Variants in SPIRE1 observed in about 807,000 individuals in gnomAD.
SPIRE1 encodes spire type actin nucleation factor 1, also known as protein spire homolog 1.
A neutral mutation model predicts 94.1 loss-of-function variants in SPIRE1; 40 were observed. That is an observed-to-expected ratio of 0.43 (90% CI 0.33 to 0.55). The LOEUF (loss-of-function observed/expected upper bound fraction) is 0.55, where lower values mean the gene tolerates loss of function less well. Among genes scored for constraint, SPIRE1 ranks in the 20% least tolerant of loss-of-function variants. SPIRE1 has a pLI of 0.06. For missense variants in SPIRE1, 838 were observed against 975.2 expected (o/e 0.86, Z 1.87); for synonymous variants, 376 against 371.7 (o/e 1.01, Z -0.13).
intron 10 of SPIRE1, among the ~76,000 whole-genome samples, chr18:12,478,725 T>C (rs1308120582): frequency 1.3e-5 from 2 of 152,024 alleles, no homozygotes; most frequent in Admixed American, 6.6e-5. Flanking sequence ...AAGTTGATTT[T>C]GAGGAAGGGC....
chr18:12,583,173 A>G (rs1353416673), intron 2 of SPIRE1, among the ~76,000 whole-genome samples: 2 of 152,212 alleles, frequency 1.3e-5, no homozygotes, highest in African/African-American at 4.8e-5. Flanking sequence ...AGAAATCATA[A>G]TAAGTGTAAA....
chr18:12,658,859 G>A (rs958549480), upstream of SPIRE1: 1 of 303,924 alleles, frequency 3.3e-6, no homozygotes, highest in Non-Finnish European at 6.6e-6. Context: ...ATATAAACAT[G>A]TACATAATTT....
intron 8 of SPIRE1, among the ~76,000 whole-genome samples, chr18:12,488,709 G>T (rs1174890377): frequency 6.6e-6 from 1 of 152,092 alleles, no homozygotes; most frequent in Non-Finnish European, 1.5e-5. Flanking sequence ...CAATAAAGGG[G>T]ATATGCATGT....
chr18:12,559,237 G>C lies in SPIRE1; in HGVS notation c.373-12333C>G, dbSNP rs1027898869. On this transcript the variant is annotated intron_variant, in intron 2 of 16. Transcript: ENST00000409402. The surrounding 1 kb of genome is among the most constrained non-coding windows in gnomAD (Gnocchi z 4.7). ...TGCAGGTCCCGAGCCCTGCCCCGCA[G>C]GGAGGCAGCTGAGGCCTAGTGAGAA... 1.8e-4 allele frequency among the ~76,000 whole-genome samples: 28 copies of C among 152,270 alleles called. No homozygotes were observed. The highest frequency in any genetic ancestry group is 6.7e-4 in the African/African-American group (28 of 41,568).
intron 2 of SPIRE1, among the ~76,000 whole-genome samples, chr18:12,619,338 C>A (rs2037397100): frequency 6.6e-6 from 1 of 151,840 alleles, no homozygotes; most frequent in African/African-American, 2.4e-5. Context: ...GAAACCCCGT[C>A]TCTACTAAAA....
chr18:12,588,322 A>G (rs535344042), intron 2 of SPIRE1: 10 of 152,620 alleles, frequency 6.6e-5, no homozygotes, highest in African/African-American at 2.4e-4. Flanking sequence ...AAATACATCA[A>G]TGTCATCTAT....
In SPIRE1 at chr18:12,470,007, T is replaced by C. The variant is rs377186671; in HGVS notation, c.1405-5049A>G. 3.3e-5 allele frequency among the ~76,000 whole-genome samples: 5 copies of C among 151,822 alleles called. No homozygotes were observed. The East Asian group carries it at 9.7e-4, about 29-fold the overall frequency. On this transcript the variant is annotated intron_variant, in intron 10 of 16. Transcript: ENST00000409402. ...CCCAGGCTGGAGTGCAGTGGTGCAA[T>C]CATGGCTCACTGCAGCCTTGACCTC...
intron 2 of SPIRE1, among the ~76,000 whole-genome samples, chr18:12,574,042 T>G (rs2036029109): frequency 6.6e-6 from 1 of 152,204 alleles, no homozygotes; most frequent in Non-Finnish European, 1.5e-5. Flanking sequence ...CCCGGCCGAC[T>G]TTTAATTTTT....
Position 12,574,780 on chromosome 18 carries a change from T to C in SPIRE1, c.373-27876A>G, listed in dbSNP as rs139104817. Reference sequence around the variant, plus strand: ...GGCCAGAGGATGAGAAACCAAGAGATTGGACTGTAAAGGAGCAACAGTGTT... The same window carrying C: ...GGCCAGAGGATGAGAAACCAAGAGACTGGACTGTAAAGGAGCAACAGTGTT... On this transcript the variant is annotated intron_variant, in intron 2 of 16. Coordinates refer to ENST00000409402, the MANE Select transcript of SPIRE1 (RefSeq NM_001128626.2). 2.4e-4 allele frequency among the ~76,000 whole-genome samples: 36 copies of C among 152,062 alleles called. No individual in the cohort carries two copies. The East Asian group carries it at 6.0e-3, about 25-fold the overall frequency.
chr18:12,572,975 T>C (rs1025290635), intron 2 of SPIRE1, among the ~76,000 whole-genome samples: 1 of 152,198 alleles, frequency 6.6e-6, no homozygotes, highest in African/African-American at 2.4e-5. Flanking sequence ...GTTTTAGATA[T>C]GACACCAAAA....
chr18:12,625,235 C>A (rs1383737666), intron 2 of SPIRE1, among the ~76,000 whole-genome samples: 2 of 152,200 alleles, frequency 1.3e-5, no homozygotes, highest in Non-Finnish European at 2.9e-5. Flanking sequence ...TGTACAGACA[C>A]AATTTCCTCT....
chr18:12,644,961 C>A (rs866511805), intron 1 of SPIRE1, among the ~76,000 whole-genome samples: 24 of 152,000 alleles, frequency 1.6e-4, no homozygotes, highest in Admixed American at 1.6e-3. Flanking sequence ...AGAGAGCGGC[C>A]GGGCACCATG....
At position 12,559,371 on chromosome 18, in the gene SPIRE1, G is replaced by A. The variant is rs547822373; in HGVS notation, c.373-12467C>T. On this transcript the variant is annotated intron_variant, in intron 2 of 16. Transcript: ENST00000409402. This position sits in a 1 kb window ranked among gnomAD's most constrained non-coding sequence, Gnocchi z 4.7. ...ATTGCCCGGGCCGGCGTCGCCAGCC[G>A]GCAGCTCTGAGTGCTGGCCGGGCGA... Among the ~76,000 whole-genome samples, 67 of 152,278 alleles carry A rather than the reference G, an allele frequency of 4.4e-4. No individual in the cohort carries two copies. Among genetic ancestry groups the A allele is most frequent in the African/African-American group, 1.2e-3 (50 of 41,562 alleles).
At chr18:12,515,312 G>C (rs768697621) in intron 4 of SPIRE1, among the ~76,000 whole-genome samples, 4 of 151,878 alleles carry the variant, frequency 2.6e-5, no homozygotes, top group Non-Finnish European at 5.9e-5. Flanking sequence ...GCCAGGAGTT[G>C]AAGACCAACC....
chr18:12,473,108 GATGGGGGTCTTGCT>G (rs1377954471), intron 10 of SPIRE1, among the ~76,000 whole-genome samples: 1 of 152,016 alleles, frequency 6.6e-6, no homozygotes, highest in Non-Finnish European at 1.5e-5. Context: ...TTTTTGTAGA[GATGGGGGTCTTGCT>G]ATGTTGCTCA....
Position 12,656,336 on chromosome 18 carries a change from A to G in SPIRE1, c.337+1194T>C, listed in dbSNP as rs181348578. On this transcript the variant is annotated intron_variant, in intron 1 of 16. Coordinates refer to ENST00000409402, the MANE Select transcript of SPIRE1 (RefSeq NM_001128626.2). ...CAAAGAAACAAAAATACTATTTGAAATAGTTTCAAAAGAACAATTAAAAAG... is the reference window on the plus strand; with the variant it reads ...CAAAGAAACAAAAATACTATTTGAAGTAGTTTCAAAAGAACAATTAAAAAG... Among the ~76,000 whole-genome samples, 669 of 152,364 alleles carry G rather than the reference A, an allele frequency of 4.4e-3. 17 individuals carry two copies. The highest frequency in any genetic ancestry group is 5.6e-3 in the East Asian group (29 of 5,188).
At chr18:12,461,614 CACAT>C (rs1250118945) in intron 12 of SPIRE1, among the ~76,000 whole-genome samples, 2 of 73,670 alleles carry the variant, frequency 2.7e-5, no homozygotes, top group Non-Finnish European at 7.7e-5. Context: ...CATATACACA[CACAT>C]ACACATATGT....
chr18:12,615,345 A>ATATATATAT (rs1555632289), intron 2 of SPIRE1, among the ~76,000 whole-genome samples: 5 of 17,244 alleles, frequency 2.9e-4, no homozygotes, highest in Non-Finnish European at 9.3e-4. Context: ...AAAAAAAAAA[A>ATATATATAT]ATATATATAT....
rs185674093 is a variant in SPIRE1 at position 12,572,378 on chromosome 18, G to A, written c.373-25474C>T. On this transcript the variant is annotated intron_variant, in intron 2 of 16. Coordinates refer to ENST00000409402, the MANE Select transcript of SPIRE1 (RefSeq NM_001128626.2). ...CTGTCCCAAACACCTGGCCTTAACT[G>A]ATCCTCTTGCCTCAGCCTCACACAG... is the stretch of plus-strand genomic sequence containing the variant. Among the ~76,000 whole-genome samples, 274 of 152,012 alleles carry A rather than the reference G, an allele frequency of 1.8e-3. 1 individual carries two copies. Among genetic ancestry groups the A allele is most frequent in the African/African-American group, 6.4e-3 (265 of 41,474 alleles).
Sources: gnomAD v4.1 joint callset for allele counts (sites outside exome capture counted in the v4.1 genomes callset) on GRCh38, gnomAD v4.1.1 for gene constraint, Gnocchi (gnomAD v3.1) non-coding constraint, MANE v1.5 for transcripts, NCBI Gene and HGNC (gene_info 2026-07-23, HGNC 2026-07-21) for gene names.